DPP10: variants seen among roughly 807,000 people sequenced by gnomAD.
DPP10 encodes the protein inactive dipeptidyl peptidase 10.
Under a neutral mutation model 120.9 loss-of-function variants are expected in DPP10, and 33 were observed. The observed-to-expected ratio is 0.27, with a 90% CI of 0.21 to 0.37. The LOEUF (loss-of-function observed/expected upper bound fraction) is 0.37. Ranked by LOEUF, DPP10 falls within the 10% of genes least tolerant of loss-of-function variation. The pLI is 1.00. For synonymous variants in DPP10, 337 were observed against 326.1 expected (o/e 1.03, Z -0.36); for missense variants, 816 against 942.8 (o/e 0.87, Z 1.76).
At chr2:115,792,681 T>C (rs1684119999) in intron 19 of DPP10, among the ~76,000 whole-genome samples, 2 of 152,172 alleles carry the variant, frequency 1.3e-5, no homozygotes, top group Admixed American at 1.3e-4. Context: ...ACTGTATGTA[T>C]GATTTACTGA....
At chr2:115,129,381 C>T (rs1450533858) in intron 1 of DPP10, among the ~76,000 whole-genome samples, 1 of 152,098 alleles carries the variant, frequency 6.6e-6, no homozygotes, top group Non-Finnish European at 1.5e-5. Flanking sequence ...GTCTACCTAC[C>T]ATCTCTAACA....
chr2:115,580,279 G>A (rs890027457), intron 5 of DPP10: 1 of 152,098 alleles, frequency 6.6e-6, no homozygotes, highest in Non-Finnish European at 1.5e-5. Context: ...TGGTTAGAGT[G>A]TAATATATCC....
At chr2:115,222,653 C>T (rs957955006) in intron 1 of DPP10, among the ~76,000 whole-genome samples, 1 of 151,934 alleles carries the variant, frequency 6.6e-6, no homozygotes, top group East Asian at 1.9e-4. Context: ...TGAAAATGGA[C>T]AAATACAGTA....
chr2:115,767,478 T>TGTGTGTGTGTATATATATATACACATA lies in DPP10; in HGVS notation c.1114-809_1114-808insATATATATATACACATAGTGTGTGTGT, dbSNP rs1680909591. On this transcript the variant is annotated intron_variant, in intron 12 of 25. Coordinates refer to ENST00000410059, the MANE Select transcript of DPP10 (RefSeq NM_020868.6). ...CTCTCTCTCTACATACATATATGTG[T>TGTGTGTGTGTATATATATATACACATA]GTGTGTGTGTGTATATATATATACA... Among the ~76,000 whole-genome samples the TGTGTGTGTGTATATATATATACACATA allele has an allele frequency of 2.0e-5, 3 of 150,750 alleles. No homozygotes were observed. In the East Asian group the frequency reaches 5.8e-4, roughly 29 times the overall value.
chr2:114,688,387 C>G (rs1359691796), intron 1 of DPP10, among the ~76,000 whole-genome samples: 1 of 151,914 alleles, frequency 6.6e-6, no homozygotes, highest in Non-Finnish European at 1.5e-5. Context: ...GAGTACATCT[C>G]CCTTTTGCTG....
At chr2:114,761,873 C>T (rs1478694556) in intron 1 of DPP10, among the ~76,000 whole-genome samples, 1 of 152,080 alleles carries the variant, frequency 6.6e-6, no homozygotes, top group Non-Finnish European at 1.5e-5. Flanking sequence ...GATAAGGAAA[C>T]CCATTGATTT....
chr2:114,728,813 G>A (rs1676605707), intron 1 of DPP10, among the ~76,000 whole-genome samples: 1 of 152,188 alleles, frequency 6.6e-6, no homozygotes, highest in Non-Finnish European at 1.5e-5. Flanking sequence ...CACGTATGGG[G>A]GTGGTGCTTG....
At chr2:115,369,397 G>T (rs1368710964) in intron 3 of DPP10, among the ~76,000 whole-genome samples, 1 of 152,054 alleles carries the variant, frequency 6.6e-6, no homozygotes, top group African/African-American at 2.4e-5. Context: ...CTATGAGTCT[G>T]TAAAAACTTT....
chr2:115,096,608 C>T (rs753054169), intron 1 of DPP10, among the ~76,000 whole-genome samples: 6 of 151,926 alleles, frequency 3.9e-5, no homozygotes, highest in Non-Finnish European at 5.9e-5. Flanking sequence ...GGGTTTTATC[C>T]CAATAAACCC....
At chr2:114,967,526 G>A (rs1699118935) in intron 1 of DPP10, among the ~76,000 whole-genome samples, 2 of 152,172 alleles carry the variant, frequency 1.3e-5, no homozygotes, top group African/African-American at 4.8e-5. Flanking sequence ...ATGGAATTGG[G>A]GAATGGGGGA....
chr2:115,012,561 G>T (rs1558990328), intron 1 of DPP10, among the ~76,000 whole-genome samples: 3 of 152,162 alleles, frequency 2.0e-5, no homozygotes, highest in Admixed American at 6.5e-5. Context: ...GCTCCGCTGG[G>T]TGGCTAGACC....
chr2:115,103,313 A>G (rs764174991), intron 1 of DPP10, among the ~76,000 whole-genome samples: 11 of 151,668 alleles, frequency 7.3e-5, no homozygotes, highest in East Asian at 2.0e-4. Flanking sequence ...TCAGCCTCCA[A>G]AGTAGCTGGG....
At chr2:115,842,112 A>T in intron 25 of DPP10, 99 bp from the exon 26 acceptor site, 1 of 1,263,308 alleles carries the variant, frequency 7.9e-7, no homozygotes, top group Non-Finnish European at 1.1e-6. Context: ...GTCAGATATT[A>T]TTACTCAAAG....
chr2:114,916,608 T>C (rs771847455), intron 1 of DPP10, among the ~76,000 whole-genome samples: 1 of 152,082 alleles, frequency 6.6e-6, no homozygotes, highest in Admixed American at 6.5e-5. Context: ...GAGCAGCACA[T>C]CAAAAAGCTA....
At chr2:115,597,559 T>C (rs2083065872) in intron 5 of DPP10, among the ~76,000 whole-genome samples, 1 of 149,654 alleles carries the variant, frequency 6.7e-6, no homozygotes. Flanking sequence ...TTATATACAT[T>C]ATATATTAAT....
chr2:114,605,313 C>A (rs926013968), intron 1 of DPP10, among the ~76,000 whole-genome samples: 1 of 152,112 alleles, frequency 6.6e-6, no homozygotes, highest in South Asian at 2.1e-4. Context: ...GGATTTTCTT[C>A]TGTTTCTACC....
intron 1 of DPP10, among the ~76,000 whole-genome samples, chr2:114,513,679 G>T (rs1684359173): frequency 6.6e-6 from 1 of 152,076 alleles, no homozygotes. Context: ...CTTTGGAATT[G>T]CTATAGAAAG....
At chr2:115,507,253 G>A (rs11690107) in intron 4 of DPP10, among the ~76,000 whole-genome samples, 83,892 of 151,892 alleles carry the variant, frequency 0.55, 24,620 homozygotes, top group Non-Finnish European at 0.67. Flanking sequence ...GACTCATTAT[G>A]CCTTATTACT....
intron 1 of DPP10, among the ~76,000 whole-genome samples, chr2:115,095,997 A>T (rs747919149): frequency 6.6e-6 from 1 of 152,070 alleles, no homozygotes; most frequent in African/African-American, 2.4e-5. Context: ...ATGTTTGCCA[A>T]TGTCTTATCT....
Sources: gnomAD v4.1 joint callset for allele counts (sites outside exome capture counted in the v4.1 genomes callset) on GRCh38, gnomAD v4.1.1 for gene constraint, MANE v1.5 for transcripts, NCBI Gene and HGNC (gene_info 2026-07-23, HGNC 2026-07-21) for gene names.